The following PPP1R35 variants were observed in gnomAD, a reference collection of about 807,000 sequenced individuals.
PPP1R35 encodes UPF0683 protein C7orf47.
In PPP1R35, 23 loss-of-function variants were observed where a neutral mutation model predicts 22.2. The observed-to-expected ratio is 1.04, with a 90% CI of 0.75 to 1.47. The LOEUF (loss-of-function observed/expected upper bound fraction) is 1.47, where lower values mean the gene tolerates loss of function less well. Ranked by LOEUF, PPP1R35 falls within the 40% of genes most tolerant of loss-of-function variation. The probability of loss-of-function intolerance (pLI) is 0.00; values close to 1 mark genes in which losing one functional copy is unlikely to be tolerated. For synonymous variants in PPP1R35, 198 were observed against 165.7 expected (o/e 1.19, Z -1.50); for missense variants, 409 against 349.6 (o/e 1.17, Z -1.36).
rs1261583411 is a variant in PPP1R35, at chr7:100,435,532, T to C, written c.590A>G (p.Glu197Gly). The C allele has an allele frequency of 1.9e-6, 3 of 1,613,992 alleles. No individual in the cohort carries two copies. The African/African-American group carries it at 4.0e-5, about 22-fold the overall frequency. ...PPQARAPHPKEPPGPGPDMTI... is the reference protein window; with the variant it reads ...PPQARAPHPKGPPGPGPDMTI... The stretch of plus-strand genomic sequence containing the variant: ...CATGTCTGGCCCAGGCCCAGGTGGC[T>C]CCTGTTGGGAGGTTGGGCCCAAAGC... Residue 197 changes from glutamate to glycine, a missense_variant and splice_region_variant, in exon 4 of 4, where the codon GAG becomes GGG. Glu to Gly is a moderately conservative substitution (Grantham distance 98). Coordinates refer to ENST00000292330, the MANE Select transcript of PPP1R35 (RefSeq NM_145030.4).
Position 100,435,765 on chromosome 7 carries a change from G to T in PPP1R35, c.454C>A (p.Leu152Met). 2 of 1,599,066 alleles carry T rather than the reference G, an allele frequency of 1.3e-6. No individual in the cohort carries two copies. The highest frequency in any genetic ancestry group is 8.5e-7 in the Non-Finnish European group (1 of 1,177,206). The part of the protein sequence containing the change: ...CGLEESVSEG[L>M]NVPRSKRLFR... ...AGCCGCTTGGAGCGCGGCACGTTCA[G>T]CCCTGAGAGCGCAGCGGGGACGGAG... is the stretch of plus-strand genomic sequence containing the variant. Residue 152 changes from leucine (L) to methionine (M), a missense_variant and splice_region_variant, in exon 3 of 4, where the codon CTG becomes ATG. Physicochemically the swap from Leu to Met is conservative, Grantham distance 15. Transcript: ENST00000292330.
rs1255303250 is a variant in PPP1R35, at chr7:100,435,700, C to T, written c.519G>A (p.Gln173=). The T allele has an allele frequency of 1.3e-5, 21 of 1,606,764 alleles. No homozygotes were observed. The highest frequency in any genetic ancestry group is 1.8e-5 in the Non-Finnish European group (21 of 1,178,108). ...DLVSLQVPEE[Q]VLNAALREKL... ...TCTCCCTGAGCGCGGCATTCAGAAC[C>T]TGTTCCTCCGGCACCTGCAGGCTCA... The change falls in exon 3 of 4, where the codon CAG becomes CAA. Residue 173 remains glutamine, a synonymous_variant. Transcript: ENST00000292330.
chr7:100,435,849 C>CT lies in PPP1R35; in HGVS notation c.449dup (p.Leu152AlafsTer59). The stretch of plus-strand genomic sequence containing the variant: ...CGGCCGGCCGCCCGCCCCCCTCACC[C>CT]TCGGACACGCTCTCCTCCAGGCCGC... On this transcript the variant is annotated frameshift_variant and splice_region_variant, in exon 2 of 4. Coordinates refer to ENST00000292330, the MANE Select transcript of PPP1R35 (RefSeq NM_145030.4). LOFTEE classifies it high-confidence loss of function. 6.3e-7 allele frequency: 1 copy of CT among 1,588,574 alleles called. No homozygotes were observed. The highest frequency in any genetic ancestry group is 8.5e-7 in the Non-Finnish European group (1 of 1,173,068).
In PPP1R35 at chr7:100,436,177, C is replaced by T. The variant is rs1273710199; in HGVS notation, c.198G>A (p.Arg66=). 1.6e-6 allele frequency: 2 copies of T among 1,234,550 alleles called. No individual in the cohort carries two copies. The highest frequency in any genetic ancestry group is 1.6e-5 in the African/African-American group (1 of 63,936). The allele number at this position is 1,234,550 out of a possible 1,614,324, so 76.5% of individuals were successfully genotyped here. ...RHGSPGRRKG[R]AERRGAARQR... ...GCCGAGCCGCGCCCCGCCGCTCCGC[C>T]CGCCCCTTCCGCCGCCCGGGGCTGC... The change falls in exon 1 of 4, where the codon CGG becomes CGA. Residue 66 remains arginine (R), a synonymous_variant. Coordinates refer to ENST00000292330, the MANE Select transcript of PPP1R35 (RefSeq NM_145030.4).
chr7:100,435,295 T>A lies in PPP1R35; in HGVS notation c.*65A>T, dbSNP rs1427298989. Reference sequence around the variant, plus strand: ...AGAAGAGTCCCATTTATTAGCAAAATTACTTTATTCTAACAAATAGTTTAA... The same window carrying A: ...AGAAGAGTCCCATTTATTAGCAAAAATACTTTATTCTAACAAATAGTTTAA... On this transcript the variant is annotated 3_prime_UTR_variant, in exon 4 of 4. Transcript: ENST00000292330. 1.3e-6 allele frequency: 2 copies of A among 1,507,886 alleles called. No homozygotes were observed. The highest frequency in any genetic ancestry group is 2.8e-5 in the African/African-American group (2 of 71,192). The allele number at this position is 1,507,886 out of a possible 1,614,324, so 93.4% of individuals were successfully genotyped here.
rs1261116175 is a variant in PPP1R35, at chr7:100,435,748, GGAGCGCGGCACGTTCAGCCCTGA to G, written c.452-4_470del. 1.2e-6 allele frequency: 2 copies of G among 1,600,930 alleles called. No individual in the cohort carries two copies. Among genetic ancestry groups the G allele is most frequent in the Admixed American group, 3.4e-5 (2 of 58,536 alleles). On this transcript the variant is annotated splice_acceptor_variant and splice_polypyrimidine_tract_variant and coding_sequence_variant and intron_variant, in exon 3 of 4. Coordinates refer to ENST00000292330, the MANE Select transcript of PPP1R35 (RefSeq NM_145030.4). LOFTEE classifies it high-confidence loss of function. ...TCACCAGGTCCCGGAAGAGCCGCTT[GGAGCGCGGCACGTTCAGCCCTGA>G]GAGCGCAGCGGGGACGGAGGTGAGT... is the stretch of plus-strand genomic sequence containing the variant.
At chr7:100,435,599 A>C in intron 3 of PPP1R35, 32 bp downstream of exon 3, 1 of 1,614,032 alleles carries the variant, frequency 6.2e-7, no homozygotes, top group Non-Finnish European at 8.5e-7. Context: ...AAGGGGGTAC[A>C]TGGAGGAAGC....
At position 100,436,254 on chromosome 7, in the gene PPP1R35, CGGGCTCGGGCACTG is replaced by C. The variant is rs764944506; in HGVS notation, c.107_120del (p.Pro36ArgfsTer85). The C allele has an allele frequency of 3.8e-6, 5 of 1,320,676 alleles. No individual in the cohort carries two copies. The highest frequency in any genetic ancestry group is 4.9e-6 in the Non-Finnish European group (5 of 1,029,382). The allele number at this position is 1,320,676 out of a possible 1,614,324, so 81.8% of individuals were successfully genotyped here. A position where few individuals can be genotyped will look rare whatever the true frequency, so the allele number is the denominator to read the frequency against. On this transcript the variant is annotated frameshift_variant, in exon 1 of 4. Transcript: ENST00000292330. LOFTEE classifies it high-confidence loss of function. Reference sequence around the variant, plus strand: ...CGCGGGCTCAGGCTCAAGTCCAGGCCGGGCTCGGGCACTGGGGCTCGGAGTTGCGGGACTTGGGG... The same window carrying C: ...CGCGGGCTCAGGCTCAAGTCCAGGCCGGGCTCGGAGTTGCGGGACTTGGGG...
chr7:100,435,441 G>A lies in PPP1R35; in HGVS notation c.681C>T (p.Pro227=), dbSNP rs1001940656. 2 of 1,613,174 alleles carry A rather than the reference G, an allele frequency of 1.2e-6. No homozygotes were observed. The highest frequency in any genetic ancestry group is 2.2e-5 in the South Asian group (2 of 91,042). The change falls in exon 4 of 4, where the codon CCC becomes CCT. Residue 227 remains proline, a synonymous_variant. Coordinates refer to ENST00000292330, the MANE Select transcript of PPP1R35 (RefSeq NM_145030.4). ...GGGGCCGGAGTTGAAGTCGGAGAGG[G>A]GGCAGACCGTCCAGGGTCAGGTGTG... is the stretch of plus-strand genomic sequence containing the variant. The part of the protein sequence containing the change: ...ESPHLTLDGL[P]PLRLQLRPRP...
At chr7:100,436,540 T>A (rs896947265), upstream of PPP1R35, 2 of 428,528 alleles carry the variant, frequency 4.7e-6, no homozygotes, top group African/African-American at 4.1e-5. Context: ...CCACCCACCC[T>A]GTTGTCGCTC....
Position 100,436,216 on chromosome 7 carries a change from A to C in PPP1R35, c.159T>G (p.Pro53=). ...DLSLSPRPDS[P]QPRHGSPGRR... ...GCCCGGGGCTGCCGTGCCGCGGCTG[A>C]GGGCTGTCGGGCCGCGGGCTCAGGC... Residue 53 remains proline, a synonymous_variant, in exon 1 of 4, where the codon CCT becomes CCG. Coordinates refer to ENST00000292330, the MANE Select transcript of PPP1R35 (RefSeq NM_145030.4). 1 of 1,259,170 alleles carries C rather than the reference A, an allele frequency of 7.9e-7. No individual in the cohort carries two copies. The highest frequency in any genetic ancestry group is 1.0e-6 in the Non-Finnish European group (1 of 1,001,854). The allele number at this position is 1,259,170 out of a possible 1,614,324, so 78.0% of individuals were successfully genotyped here.
rs1455602856 is a variant in PPP1R35, at chr7:100,436,480, C to G, written c.-106G>C. 2.5e-6 allele frequency: 2 copies of G among 813,394 alleles called. No individual in the cohort carries two copies. Among genetic ancestry groups the G allele is most frequent in the Non-Finnish European group, 3.6e-6 (2 of 559,960 alleles). 50.4% of individuals were successfully genotyped at this position (813,394 alleles called of 1,614,324 possible). On this transcript the variant is annotated 5_prime_UTR_variant, in exon 1 of 4. Coordinates refer to ENST00000292330, the MANE Select transcript of PPP1R35 (RefSeq NM_145030.4). ...TCCTTTCCCCCGCCCCTCCTAGACG[C>G]CGCTACCGGAAACCGTTAACCCTTT...
chr7:100,435,812 G>C (rs1157353001), intron 2 of PPP1R35, 36 bp downstream of exon 2: 15 of 1,580,772 alleles, frequency 9.5e-6, no homozygotes, highest in Non-Finnish European at 1.3e-5. Context: ...GCCTCACCCC[G>C]ACTCCCGCAC....
At position 100,435,898 on chromosome 7, in the gene PPP1R35, A is replaced by G; in HGVS notation, c.401T>C (p.Leu134Pro). 1.2e-6 allele frequency: 2 copies of G among 1,601,430 alleles called. No homozygotes were observed. ...GCAGCGGATCTGGAACGACTTTCTC[A>G]GCTGTTCCTCCACGGCCTTCGCAGC... ...FDAAKAVEEQ[L>P]RKSFQIRCGL... is the part of the protein sequence containing the mutation. Residue 134 changes from leucine to proline, a missense_variant, in exon 2 of 4, where the codon CTG becomes CCG. Physicochemically the swap from Leu to Pro is moderately conservative, Grantham distance 98. Coordinates refer to ENST00000292330, the MANE Select transcript of PPP1R35 (RefSeq NM_145030.4).
Position 100,435,518 on chromosome 7 carries a change from C to G in PPP1R35, c.604G>C (p.Gly202Arg). The G allele has an allele frequency of 1.2e-6, 2 of 1,614,126 alleles. No individual in the cohort carries two copies. The highest frequency in any genetic ancestry group is 8.5e-7 in the Non-Finnish European group (1 of 1,180,006). Residue 202 changes from glycine to arginine, a missense_variant, in exon 4 of 4, where the codon GGG (glycine) becomes CGG (arginine). Physicochemically the swap from Gly to Arg is moderately radical, Grantham distance 125. Coordinates refer to ENST00000292330, the MANE Select transcript of PPP1R35 (RefSeq NM_145030.4). ...TCACACAAGATGGTCATGTCTGGCC[C>G]AGGCCCAGGTGGCTCCTGTTGGGAG... is the stretch of plus-strand genomic sequence containing the variant. Reference protein sequence around the residue: ...APHPKEPPGPGPDMTILCDPE... With the variant: ...APHPKEPPGPRPDMTILCDPE...
At position 100,435,535 on chromosome 7, in the gene PPP1R35, TG is replaced by T; in HGVS notation, c.589-3del. The T allele has an allele frequency of 1.2e-6, 2 of 1,614,126 alleles. No individual in the cohort carries two copies. Among genetic ancestry groups the T allele is most frequent in the Non-Finnish European group, 1.7e-6 (2 of 1,180,006 alleles). ...GTCTGGCCCAGGCCCAGGTGGCTCC[TG>T]TTGGGAGGTTGGGCCCAAAGCAAGG... is the stretch of plus-strand genomic sequence containing the variant. On this transcript the variant is annotated splice_polypyrimidine_tract_variant and splice_region_variant and intron_variant, in intron 3 of 3. Coordinates refer to ENST00000292330, the MANE Select transcript of PPP1R35 (RefSeq NM_145030.4).
Position 100,435,383 on chromosome 7 carries a change from T to G in PPP1R35, c.739A>C (p.Thr247Pro). 1 of 1,606,432 alleles carries G rather than the reference T, an allele frequency of 6.2e-7. No homozygotes were observed. Among genetic ancestry groups the G allele is most frequent in the Non-Finnish European group, 8.5e-7 (1 of 1,177,612 alleles). The change falls in exon 4 of 4, where the codon ACA (threonine) becomes CCA (proline). Residue 247 changes from threonine (T) to proline (P), a missense_variant. Transcript: ENST00000292330. ...GTCTACGCTTCCCATCGCCTCAGTG[T>G]CCGGTGCATGAGGAAGGTGTCCTCT... ...PSEDTFLMHRTLRRWEA is the reference protein window; with the variant it reads ...PSEDTFLMHRPLRRWEA
At position 100,435,508 on chromosome 7, in the gene PPP1R35, A is replaced by G; in HGVS notation, c.614T>C (p.Met205Thr). The G allele has an allele frequency of 1.9e-6, 3 of 1,614,140 alleles. No individual in the cohort carries two copies. The highest frequency in any genetic ancestry group is 2.5e-6 in the Non-Finnish European group (3 of 1,180,018). Residue 205 changes from methionine (M) to threonine (T), a missense_variant, in exon 4 of 4, where the codon ATG becomes ACG. By Grantham distance (81) the Met-to-Thr change is moderately conservative. Transcript: ENST00000292330. ...PKEPPGPGPDMTILCDPETLF... is the reference protein window; with the variant it reads ...PKEPPGPGPDTTILCDPETLF... ...CGTTTCTGGGTCACACAAGATGGTC[A>G]TGTCTGGCCCAGGCCCAGGTGGCTC...
chr7:100,435,640 C>T lies in PPP1R35; in HGVS notation c.579G>A (p.Pro193=). ...GCCCAGACCCCATCACCTTTGGGTG[C>T]GGGGCTCGAGCCTGTGGCGGCAGGA... is the stretch of plus-strand genomic sequence containing the variant. ...LALLPPQARA[P]HPKEPPGPGP... is the part of the protein sequence containing the mutation. The change falls in exon 3 of 4, where the codon CCG becomes CCA. Residue 193 remains proline, a synonymous_variant. Coordinates refer to ENST00000292330, the MANE Select transcript of PPP1R35 (RefSeq NM_145030.4). 1 of 1,610,162 alleles carries T rather than the reference C, an allele frequency of 6.2e-7. No homozygotes were observed. The highest frequency in any genetic ancestry group is 8.5e-7 in the Non-Finnish European group (1 of 1,179,072).
Sources: gnomAD v4.1 joint callset for allele counts on GRCh38, gnomAD v4.1.1 for gene constraint, MANE v1.5 for transcripts, NCBI Gene and HGNC (gene_info 2026-07-23, HGNC 2026-07-21) for gene names.